TRPM3: variants seen among roughly 807,000 people sequenced by gnomAD.
The protein encoded by TRPM3 is long transient receptor potential channel 3.
Under a neutral mutation model 181.2 loss-of-function variants are expected in TRPM3, and 77 were observed. The observed-to-expected ratio is 0.42, with a 90% CI of 0.35 to 0.51. The LOEUF (loss-of-function observed/expected upper bound fraction) is 0.51. Ranked by LOEUF, TRPM3 falls within the 20% of genes least tolerant of loss-of-function variation. TRPM3 has a pLI of 0.01. For missense variants in TRPM3, 1,759 were observed against 2,196.7 expected (o/e 0.80, Z 3.98); for synonymous variants, 745 against 796.4 (o/e 0.94, Z 1.09).
chr9:71,377,791 G>A (rs2092701834), intron 1 of TRPM3, among the ~76,000 whole-genome samples: 1 of 151,864 alleles, frequency 6.6e-6, no homozygotes, highest in Admixed American at 6.6e-5. Flanking sequence ...GCTTCCCATA[G>A]ATTATTTTTG....
intron 1 of TRPM3, among the ~76,000 whole-genome samples, chr9:70,950,929 G>A (rs1023852600): frequency 6.6e-6 from 1 of 152,028 alleles, no homozygotes; most frequent in South Asian, 2.1e-4. Context: ...ATGCATACTT[G>A]GTAGATGCTT....
chr9:70,541,770 C>T (rs1217128312), intron 25 of TRPM3, among the ~76,000 whole-genome samples: 4 of 152,144 alleles, frequency 2.6e-5, no homozygotes, highest in Non-Finnish European at 5.9e-5. Context: ...CTCAGCCTCC[C>T]AAAGTGCTGG....
At chr9:70,898,763 A>AG (rs1027871939) in intron 1 of TRPM3, among the ~76,000 whole-genome samples, 2 of 141,650 alleles carry the variant, frequency 1.4e-5, no homozygotes, top group African/African-American at 5.3e-5. Flanking sequence ...AAAAAAAAAA[A>AG]AAAGAAAAGA....
rs1169858555 is a variant in TRPM3, at chr9:70,805,234, T to C, written c.974-20955A>G. 1.1e-4 allele frequency among the ~76,000 whole-genome samples: 5 copies of C among 47,212 alleles called. 1 individual carries two copies. The South Asian group carries it at 3.3e-3, about 31-fold the overall frequency. The allele number at this position is 47,212 out of a possible 152,430, so 31.0% of individuals were successfully genotyped here. A position where few individuals can be genotyped will look rare whatever the true frequency, so the allele number is the denominator to read the frequency against. ...GAGAGAGAGACTGGGGTGGGGGAGG[T>C]GGTGGTGGGGGGAGACAGAGAGAGA... On this transcript the variant is annotated intron_variant, in intron 6 of 25. Transcript: ENST00000677713.
chr9:71,060,691 A>G (rs1002174513), intron 1 of TRPM3, among the ~76,000 whole-genome samples: 9 of 152,100 alleles, frequency 5.9e-5, no homozygotes, highest in African/African-American at 4.8e-5. Flanking sequence ...TTTCTATCCA[A>G]TGTGACAAAT....
intron 3 of TRPM3, among the ~76,000 whole-genome samples, chr9:70,855,592 C>A (rs936938560): frequency 2.0e-5 from 3 of 152,220 alleles, no homozygotes; most frequent in African/African-American, 7.2e-5. Flanking sequence ...ATGGAACTAT[C>A]ATTGCTAAAT....
chr9:71,431,609 G>A (rs934192335), intron 1 of TRPM3, among the ~76,000 whole-genome samples: 2 of 152,034 alleles, frequency 1.3e-5, no homozygotes, highest in African/African-American at 2.4e-5. Flanking sequence ...TCTGACTCAC[G>A]AGTCAGTAGC....
intron 9 of TRPM3, among the ~76,000 whole-genome samples, chr9:70,644,104 G>A (rs145202497): frequency 1.6e-3 from 244 of 152,234 alleles, no homozygotes; most frequent in African/African-American, 5.7e-3. Context: ...CTCTCTGCTG[G>A]GAACTGATTT....
At chr9:70,582,059 C>A (rs560269091) in intron 22 of TRPM3, among the ~76,000 whole-genome samples, 41 of 151,942 alleles carry the variant, frequency 2.7e-4, no homozygotes, top group Middle Eastern at 6.8e-3. Flanking sequence ...ATAGATATTT[C>A]TTGAATGCAG....
rs867121883 is a variant in TRPM3 at position 70,685,139 on chromosome 9, T to C, written c.1273-3561A>G. On this transcript the variant is annotated intron_variant, in intron 8 of 25. Transcript: ENST00000677713. ...TCATCAACATTTTGCTAATATTTTA[T>C]TTCATCCTAAATAAAATATTAGCAA... 2.0e-5 allele frequency among the ~76,000 whole-genome samples: 3 copies of C among 152,306 alleles called. No individual in the cohort carries two copies. In the South Asian group the frequency reaches 6.2e-4, roughly 32 times the overall value.
chr9:71,248,263 T>C (rs2082148285), intron 1 of TRPM3, among the ~76,000 whole-genome samples: 1 of 152,208 alleles, frequency 6.6e-6, no homozygotes, highest in African/African-American at 2.4e-5. Context: ...TCCTTCACTA[T>C]GGATTGGTTT....
At chr9:70,962,846 C>CG (rs1432570610) in intron 1 of TRPM3, among the ~76,000 whole-genome samples, 1 of 151,930 alleles carries the variant, frequency 6.6e-6, no homozygotes, top group Admixed American at 6.6e-5. Flanking sequence ...ACCAAATCAC[C>CG]GGGGGGACAA....
intron 1 of TRPM3, among the ~76,000 whole-genome samples, chr9:71,198,981 C>T (rs1292833363): frequency 2.3e-5 from 3 of 131,224 alleles, no homozygotes; most frequent in African/African-American, 8.1e-5. Flanking sequence ...CCAGTTTTTG[C>T]CCATTCAGTA....
chr9:70,863,141 C>T lies in TRPM3; in HGVS notation c.258-29G>A, dbSNP rs781732134. ...TAACAGAAGAGGTTAAAGTGAACCC[C>T]TGGTATTAGTCACTATTGGGATACA... On this transcript the variant is annotated intron_variant, in intron 2 of 25. Transcript: ENST00000677713. 9.4e-6 allele frequency: 15 copies of T among 1,596,940 alleles called. No individual in the cohort carries two copies. In the African/African-American group the frequency reaches 1.6e-4, roughly 17 times the overall value.
intron 8 of TRPM3, among the ~76,000 whole-genome samples, chr9:70,698,991 GC>G (rs1209058926): frequency 1.3e-5 from 2 of 151,958 alleles, no homozygotes; most frequent in Non-Finnish European, 2.9e-5. Flanking sequence ...TTTCTTTAAA[GC>G]AATGCAAGAA....
chr9:70,849,500 T>A (rs752906558), intron 3 of TRPM3, among the ~76,000 whole-genome samples: 25 of 152,150 alleles, frequency 1.6e-4, no homozygotes, highest in Non-Finnish European at 3.1e-4. Flanking sequence ...CCAAAATGGA[T>A]GATCTGGGTT....
At chr9:71,119,224 GA>G (rs2073091050) in intron 1 of TRPM3, among the ~76,000 whole-genome samples, 1 of 152,114 alleles carries the variant, frequency 6.6e-6, no homozygotes, top group Admixed American at 6.5e-5. Flanking sequence ...TGTCATTTGG[GA>G]AAAAAGTTCT....
intron 1 of TRPM3, among the ~76,000 whole-genome samples, chr9:70,883,448 A>G (rs756462054): frequency 1.2e-4 from 19 of 152,210 alleles, no homozygotes; most frequent in Non-Finnish European, 2.4e-4. Context: ...TACATGTATT[A>G]TGAGTACTCT....
chr9:71,205,538 A>G (rs1333189833), intron 1 of TRPM3, among the ~76,000 whole-genome samples: 2 of 152,186 alleles, frequency 1.3e-5, no homozygotes, highest in Non-Finnish European at 2.9e-5. Context: ...TTGGCCAAAC[A>G]CTTTTTGAAT....
Sources: allele counts gnomAD v4.1 joint callset (sites outside exome capture counted in the v4.1 genomes callset), GRCh38; gene constraint gnomAD v4.1.1; transcripts MANE v1.5; gene names NCBI Gene and HGNC (gene_info 2026-07-23, HGNC 2026-07-21).